Variants in ABCB1 observed in about 807,000 individuals in gnomAD.
ABCB1 encodes the protein ATP-dependent translocase ABCB1.
Under a neutral mutation model 142.0 loss-of-function variants are expected in ABCB1, and 69 were observed. That is an observed-to-expected ratio of 0.49 (90% CI 0.40 to 0.59). The LOEUF (loss-of-function observed/expected upper bound fraction) is 0.59, where lower values mean the gene tolerates loss of function less well. Among genes scored for constraint, ABCB1 ranks in the 20% least tolerant of loss-of-function variants. The pLI is 0.00. For synonymous variants in ABCB1, 532 were observed against 539.2 expected, an observed-to-expected ratio of 0.99 and a Z score of 0.18; for missense variants, 1,326 against 1,554.7, an observed-to-expected ratio of 0.85 and a Z score of 2.47.
chr7:87,683,592 C>G (rs1827152212), intron 1 of ABCB1, among the ~76,000 whole-genome samples: 1 of 152,160 alleles, frequency 6.6e-6, no homozygotes, highest in African/African-American at 2.4e-5. Context: ...GCATTCAGAA[C>G]ACACACATTT....
At chr7:87,627,019 C>T (rs929173943) in intron 1 of ABCB1, among the ~76,000 whole-genome samples, 4 of 152,122 alleles carry the variant, frequency 2.6e-5, no homozygotes, top group African/African-American at 9.7e-5. Flanking sequence ...CGTGATCCGC[C>T]CGCCTCAGCC....
intron 3 of ABCB1, among the ~76,000 whole-genome samples, chr7:87,588,156 GT>G (rs34445246): frequency 0.42 from 61,652 of 147,918 alleles, 13,921 homozygotes; most frequent in South Asian, 0.64. Context: ...ATTTCCTTTT[GT>G]TTTTTTTTTT....
At chr7:87,557,572 G>A (rs368626798) in intron 8 of ABCB1, among the ~76,000 whole-genome samples, 3 of 152,124 alleles carry the variant, frequency 2.0e-5, no homozygotes, top group Admixed American at 6.6e-5. Flanking sequence ...ATACTACTTA[G>A]AGCAAATATA....
chr7:87,562,110 T>C (rs930461094), intron 7 of ABCB1, among the ~76,000 whole-genome samples: 2 of 152,246 alleles, frequency 1.3e-5, no homozygotes, highest in African/African-American at 2.4e-5. Context: ...GTAACATTGA[T>C]CTATCCCTTC....
At chr7:87,544,447 A>C (rs549834249) in intron 16 of ABCB1, among the ~76,000 whole-genome samples, 172 bp from the exon 17 acceptor site, 4 of 152,308 alleles carry the variant, frequency 2.6e-5, no homozygotes, top group African/African-American at 9.6e-5. Flanking sequence ...TTAGCTTCAA[A>C]AAAATGTTGA....
intron 2 of ABCB1, among the ~76,000 whole-genome samples, chr7:87,597,235 C>A (rs940582241): frequency 2.6e-5 from 4 of 151,896 alleles, no homozygotes; most frequent in Non-Finnish European, 5.9e-5. Context: ...AAACTCTCAC[C>A]CCTACTAGAT....
intron 7 of ABCB1, chr7:87,565,467 T>G (rs531046589): frequency 2.5e-4 from 114 of 455,474 alleles, no homozygotes; most frequent in Non-Finnish European, 4.8e-4. Context: ...TCTGCCTTCA[T>G]GACAGGAGAG....
chr7:87,606,359 C>T (rs1819652973), intron 1 of ABCB1, among the ~76,000 whole-genome samples: 1 of 151,894 alleles, frequency 6.6e-6, no homozygotes, highest in Non-Finnish European at 1.5e-5. Flanking sequence ...AATAAGGAAA[C>T]ATACATAAGG....
At chr7:87,508,101 T>C (rs1239464868) in intron 26 of ABCB1, among the ~76,000 whole-genome samples, 3 of 152,148 alleles carry the variant, frequency 2.0e-5, no homozygotes, top group South Asian at 4.1e-4. Flanking sequence ...TACCCAGGTA[T>C]AATAAACCTG....
chr7:87,640,352 T>C (rs1301532994), intron 1 of ABCB1, among the ~76,000 whole-genome samples: 1 of 152,036 alleles, frequency 6.6e-6, no homozygotes, highest in Non-Finnish European at 1.5e-5. Context: ...CTTTTTACTT[T>C]TTATTTTTAT....
intron 1 of ABCB1, among the ~76,000 whole-genome samples, chr7:87,622,876 T>A (rs550423347): frequency 6.6e-6 from 1 of 151,810 alleles, no homozygotes; most frequent in East Asian, 1.9e-4. Flanking sequence ...GTAAAACATT[T>A]TTAAAAATAA....
chr7:87,525,395 TG>T (rs1335579667), intron 21 of ABCB1, among the ~76,000 whole-genome samples: 1 of 152,156 alleles, frequency 6.6e-6, no homozygotes, highest in Non-Finnish European at 1.5e-5. Context: ...TTGGACAACA[TG>T]GGGGTTAGGG....
intron 27 of ABCB1, 82 bp from the exon 28 acceptor site, chr7:87,504,531 G>C (rs2235050): frequency 1.9e-6 from 3 of 1,554,898 alleles, no homozygotes; most frequent in Non-Finnish European, 2.6e-6. Flanking sequence ...ACAGTAGGAC[G>C]GGCATGGTGG....
intron 4 of ABCB1, among the ~76,000 whole-genome samples, chr7:87,582,673 G>C (rs1818561944): frequency 6.6e-6 from 1 of 152,222 alleles, no homozygotes; most frequent in South Asian, 2.1e-4. Context: ...TGTCATTGTG[G>C]CATAGAAGCA....
intron 1 of ABCB1, among the ~76,000 whole-genome samples, chr7:87,703,885 CTTTTTTTTTTT>C: frequency 1.7e-5 from 1 of 60,282 alleles, no homozygotes; most frequent in Non-Finnish European, 3.2e-5. Context: ...TCAGTTTTTT[CTTTTTTTTTTT>C]TTTTTTTTTT....
chr7:87,531,241 G>A (rs780676828), intron 21 of ABCB1, 53 bp downstream of exon 21: 11 of 1,468,076 alleles, frequency 7.5e-6, no homozygotes, highest in Non-Finnish European at 1.0e-5. Context: ...AAATAACACT[G>A]ATTAGAATAC....
intron 1 of ABCB1, among the ~76,000 whole-genome samples, chr7:87,652,621 G>GAGATATATAT (rs374832268): frequency 4.8e-5 from 6 of 125,396 alleles, no homozygotes; most frequent in African/African-American, 1.7e-4. Context: ...TGTGGTCACT[G>GAGATATATAT]ATATATATAT....
chr7:87,512,182 A>C lies in ABCB1; in HGVS notation c.3283-2701T>G, dbSNP rs866270902. Among the ~76,000 whole-genome samples, 324 of 127,710 alleles carry C rather than the reference A, an allele frequency of 2.5e-3. 2 individuals carry two copies. Among genetic ancestry groups the C allele is most frequent in the African/African-American group, 3.3e-3 (115 of 34,776 alleles). The allele number at this position is 127,710 out of a possible 152,430, so 83.8% of individuals were successfully genotyped here. A position where few individuals can be genotyped will look rare whatever the true frequency, so the allele number is the denominator to read the frequency against. On this transcript the variant is annotated intron_variant, in intron 25 of 27. Transcript: ENST00000622132. ...CACCTTTGTATCTAATTTTGCATTA[A>C]AAAAAAAATTTTTTTTTTTTACTTT...
In ABCB1 at chr7:87,701,789, A is replaced by T. The variant is rs376991835; in HGVS notation, c.-331+11372T>A. Among the ~76,000 whole-genome samples, 9 of 152,318 alleles carry T rather than the reference A, an allele frequency of 5.9e-5. No homozygotes were observed. In the East Asian group the frequency reaches 1.7e-3, roughly 29 times the overall value. On this transcript the variant is annotated intron_variant, in intron 1 of 28. Coordinates refer to the ABCB1 transcript ENST00000265724. ...AAAACAACACATTGTTACAGATGGAATGCAGAAGCAGATATCTAATTATCT... is the reference window on the plus strand; with the variant it reads ...AAAACAACACATTGTTACAGATGGATTGCAGAAGCAGATATCTAATTATCT...
Sources: gnomAD v4.1 joint callset for allele counts (sites outside exome capture counted in the v4.1 genomes callset) on GRCh38, gnomAD v4.1.1 for gene constraint, MANE v1.5 for transcripts, NCBI Gene and HGNC (gene_info 2026-07-23, HGNC 2026-07-21) for gene names.